The following CCSER2 variants were observed in gnomAD, a reference collection of about 807,000 sequenced individuals.
CCSER2 encodes the protein coiled-coil serine rich protein 2, also known as serine-rich coiled-coil domain-containing protein 2.
A neutral mutation model predicts 92.3 loss-of-function variants in CCSER2; 46 were observed. The ratio of observed to expected loss-of-function variants is 0.50; its 90% CI spans 0.39 to 0.64. CCSER2 has a LOEUF of 0.64. Ranked by LOEUF, CCSER2 falls within the 30% of genes least tolerant of loss-of-function variation. The pLI is 0.00. For synonymous variants in CCSER2, 433 were observed against 431.4 expected (o/e 1.00, Z -0.04); for missense variants, 1,244 against 1,238.9 (o/e 1.00, Z -0.06).
chr10:84,409,054 G>A (rs976150174), intron 3 of CCSER2, among the ~76,000 whole-genome samples: 2 of 151,976 alleles, frequency 1.3e-5, no homozygotes, highest in African/African-American at 4.8e-5. Flanking sequence ...GCAGTAGTGC[G>A]ATCTCGGCTC....
chr10:84,379,927 A>G (rs1840805393), intron 3 of CCSER2, among the ~76,000 whole-genome samples: 1 of 152,176 alleles, frequency 6.6e-6, no homozygotes, highest in African/African-American at 2.4e-5. Context: ...GCTAATAATA[A>G]TGTCTACATG....
At position 84,371,079 on chromosome 10, in the gene CCSER2, ATT is replaced by A; in HGVS notation, c.31_32del (p.Leu11GlyfsTer26). MEEKTQIKTFLGSKLPKYGT... is the reference protein window; with the variant it reads MEEKTQIKTXLGSKLPKYGT... ...TGGAAGAAAAAACACAAATCAAGAC[ATT>A]TTTGGGTTCCAAGTTGCCAAAGTAT... On this transcript the variant is annotated frameshift_variant, in exon 2 of 10. Coordinates refer to ENST00000372088, the MANE Select transcript of CCSER2 (RefSeq NM_001284240.2). LOFTEE classifies it high-confidence loss of function. The A allele has an allele frequency of 6.3e-7, 1 of 1,595,902 alleles. No homozygotes were observed. The highest frequency in any genetic ancestry group is 8.5e-7 in the Non-Finnish European group (1 of 1,173,040).
intron 4 of CCSER2, among the ~76,000 whole-genome samples, chr10:84,419,016 AT>A (rs71473612): frequency 0.21 from 31,843 of 150,010 alleles, 3,589 homozygotes; most frequent in Admixed American, 0.34. Context: ...GAACTAGCAC[AT>A]TTTTTTTTTA....
At chr10:84,412,897 A>G (rs1842723763) in intron 3 of CCSER2, among the ~76,000 whole-genome samples, 2 of 152,108 alleles carry the variant, frequency 1.3e-5, no homozygotes, top group South Asian at 2.1e-4. Flanking sequence ...CCAGGAATTT[A>G]TCTGTTTCTT....
At chr10:84,338,107 C>A (rs1163017880) in intron 1 of CCSER2, among the ~76,000 whole-genome samples, 13 of 151,672 alleles carry the variant, frequency 8.6e-5, no homozygotes, top group Admixed American at 8.5e-4. Flanking sequence ...ATGGTGAAAC[C>A]CCATCTCTAC....
chr10:84,456,367 A>T (rs1425748427), intron 6 of CCSER2, among the ~76,000 whole-genome samples: 1 of 152,170 alleles, frequency 6.6e-6, no homozygotes, highest in Non-Finnish European at 1.5e-5. Context: ...TTTTTACTTA[A>T]CATAATGCAA....
At chr10:84,462,053 A>G (rs1470481975) in intron 6 of CCSER2, among the ~76,000 whole-genome samples, 2 of 152,184 alleles carry the variant, frequency 1.3e-5, no homozygotes, top group Non-Finnish European at 2.9e-5. Context: ...TGTTCTGAGT[A>G]TACATCTTCC....
chr10:84,489,721 A>G (rs1182228799), intron 9 of CCSER2, among the ~76,000 whole-genome samples: 1 of 152,046 alleles, frequency 6.6e-6, no homozygotes, highest in Non-Finnish European at 1.5e-5. Context: ...TTTTAATTGG[A>G]GCATTTAGCC....
At chr10:84,457,215 TTACATATTATA>T (rs1564683928) in intron 6 of CCSER2, among the ~76,000 whole-genome samples, 1 of 111,728 alleles carries the variant, frequency 9.0e-6, no homozygotes, top group Non-Finnish European at 1.7e-5. Flanking sequence ...TATATATATA[TTACATATTATA>T]TATAAATATA....
intron 3 of CCSER2, among the ~76,000 whole-genome samples, chr10:84,395,358 T>C (rs1841775015): frequency 6.6e-6 from 1 of 152,182 alleles, no homozygotes; most frequent in African/African-American, 2.4e-5. Flanking sequence ...CAAGTAGCTA[T>C]TATAAAATTG....
chr10:84,479,862 A>G (rs1212705388), intron 9 of CCSER2, among the ~76,000 whole-genome samples: 4 of 152,132 alleles, frequency 2.6e-5, no homozygotes, highest in Non-Finnish European at 5.9e-5. Context: ...GCTAGAAGGA[A>G]TAGAGAAGAG....
chr10:84,372,568 G>A (rs946969130), intron 2 of CCSER2, 99 bp downstream of exon 2: 3 of 774,682 alleles, frequency 3.9e-6, no homozygotes, highest in Admixed American at 5.6e-5. Flanking sequence ...GATATTATCA[G>A]TTTCACGGAG....
intron 1 of CCSER2, among the ~76,000 whole-genome samples, chr10:84,338,316 C>A (rs546962553): frequency 1.4e-5 from 2 of 147,932 alleles, no homozygotes; most frequent in African/African-American, 5.0e-5. Context: ...CAAAAAAAAA[C>A]CCCAAAAACA....
rs867783824 is a variant in CCSER2, at chr10:84,437,168, G to C, written c.1869-1344G>C. ...ACACACACAGAGAGAGAGAGAGAGA[G>C]AGAGAGACAGAGAGACAGAGAGAGA... On this transcript the variant is annotated intron_variant, in intron 5 of 9. Coordinates refer to ENST00000372088, the MANE Select transcript of CCSER2 (RefSeq NM_001284240.2). Among the ~76,000 whole-genome samples the C allele has an allele frequency of 3.0e-4, 42 of 140,300 alleles. No individual in the cohort carries two copies. The East Asian group carries it at 4.0e-3, about 13-fold the overall frequency. 92.0% of individuals were successfully genotyped at this position (140,300 alleles called of 152,430 possible). A position where few individuals can be genotyped will look rare whatever the true frequency, so the allele number is the denominator to read the frequency against.
chr10:84,473,616 G>A (rs1040581228), intron 8 of CCSER2, among the ~76,000 whole-genome samples: 3 of 152,126 alleles, frequency 2.0e-5, no homozygotes, highest in Non-Finnish European at 4.4e-5. Flanking sequence ...AACCAAGAGA[G>A]TTTTAACAGA....
chr10:84,392,524 G>GT (rs940561078), intron 3 of CCSER2, among the ~76,000 whole-genome samples: 13 of 148,742 alleles, frequency 8.7e-5, no homozygotes, highest in South Asian at 2.1e-4. Context: ...TTTATTTAAA[G>GT]TTTTTTTTTT....
chr10:84,348,508 GAGGGCA>G (rs1183288215), intron 1 of CCSER2, among the ~76,000 whole-genome samples: 155 of 152,196 alleles, frequency 1.0e-3, no homozygotes, highest in Middle Eastern at 6.8e-3. Context: ...GGAAGAGGGA[GAGGGCA>G]AGGGCGAGGG....
At chr10:84,406,718 C>T (rs1167686007) in intron 3 of CCSER2, among the ~76,000 whole-genome samples, 1 of 152,140 alleles carries the variant, frequency 6.6e-6, no homozygotes, top group Admixed American at 6.5e-5. Flanking sequence ...GATGTTGGCT[C>T]CCAATAAGTG....
intron 3 of CCSER2, among the ~76,000 whole-genome samples, chr10:84,378,322 A>G (rs1205864965): frequency 6.6e-6 from 1 of 151,534 alleles, no homozygotes; most frequent in Non-Finnish European, 1.5e-5. Context: ...ATAGTAAACT[A>G]CCTTTCCATT....
Sources: gnomAD v4.1 joint callset for allele counts (sites outside exome capture counted in the v4.1 genomes callset) on GRCh38, gnomAD v4.1.1 for gene constraint, MANE v1.5 for transcripts, NCBI Gene and HGNC (gene_info 2026-07-23, HGNC 2026-07-21) for gene names.